Variants in CACNB4 observed in about 807,000 individuals in gnomAD.
The protein encoded by CACNB4 is calcium voltage-gated channel auxiliary subunit beta 4.
CACNB4 carries 32 observed loss-of-function variants against 71.2 expected under a neutral mutation model. That is an observed-to-expected ratio of 0.45 (90% CI 0.34 to 0.60). The LOEUF (loss-of-function observed/expected upper bound fraction) is 0.60, where lower values mean the gene tolerates loss of function less well. Among genes scored for constraint, CACNB4 ranks in the 20% least tolerant of loss-of-function variants. The probability of loss-of-function intolerance (pLI) is 0.01; values close to 1 mark genes in which losing one functional copy is unlikely to be tolerated. For synonymous variants in CACNB4, 231 were observed against 236.9 expected (o/e 0.97, Z 0.23); for missense variants, 464 against 647.9 (o/e 0.72, Z 3.08).
At chr2:151,872,310 A>G (rs1442919323) in intron 6 of CACNB4, 107 bp downstream of exon 6, 1 of 684,748 alleles carries the variant, frequency 1.5e-6, no homozygotes, top group Middle Eastern at 2.4e-4. Context: ...GAATCTTTAA[A>G]TTAAGCCTTC....
At chr2:151,981,391 C>T (rs756976338) in intron 2 of CACNB4, among the ~76,000 whole-genome samples, 1 of 152,136 alleles carries the variant, frequency 6.6e-6, no homozygotes, top group Non-Finnish European at 1.5e-5. Context: ...TAAAGTCAGT[C>T]AGTGAGCCAA....
intron 9 of CACNB4, among the ~76,000 whole-genome samples, chr2:151,863,708 C>T (rs2099842341): frequency 6.6e-6 from 1 of 152,000 alleles, no homozygotes; most frequent in African/African-American, 2.4e-5. Context: ...AAGCTATTTT[C>T]AAACACGACC....
At chr2:151,955,008 G>A (rs535394826) in intron 2 of CACNB4, among the ~76,000 whole-genome samples, 21 of 151,800 alleles carry the variant, frequency 1.4e-4, no homozygotes, top group East Asian at 9.7e-4. Flanking sequence ...CACCCGCCAC[G>A]ATGCCCAGCT....
At chr2:151,904,475 T>C (rs1179895748) in intron 2 of CACNB4, among the ~76,000 whole-genome samples, 1 of 151,932 alleles carries the variant, frequency 6.6e-6, no homozygotes, top group African/African-American at 2.4e-5. Flanking sequence ...AATCCAGATA[T>C]ACACCATAAA....
intron 2 of CACNB4, among the ~76,000 whole-genome samples, chr2:151,892,875 C>T (rs1156363430): frequency 1.3e-5 from 2 of 152,154 alleles, no homozygotes; most frequent in South Asian, 4.1e-4. Context: ...CTTCCTGCCT[C>T]CAGGGGTTGC....
At chr2:152,079,097 T>C (rs114788375) in intron 2 of CACNB4, among the ~76,000 whole-genome samples, 113 of 152,118 alleles carry the variant, frequency 7.4e-4, no homozygotes, top group African/African-American at 2.6e-3. Flanking sequence ...GTTATTTTTG[T>C]TGTTGTTTTG....
chr2:151,870,478 C>T, intron 8 of CACNB4, 53 bp downstream of exon 8: 1 of 1,447,202 alleles, frequency 6.9e-7, no homozygotes, highest in Non-Finnish European at 9.7e-7. Flanking sequence ...GTCAACATGA[C>T]TGTCTCCTGG....
At position 151,869,049 on chromosome 2, in the gene CACNB4, C is replaced by T. The variant is rs1238596602; in HGVS notation, c.758+128G>A. 12 of 621,708 alleles carry T rather than the reference C, an allele frequency of 1.9e-5. 1 individual carries two copies. The highest frequency in any genetic ancestry group is 3.2e-5 in the Non-Finnish European group (11 of 346,986). The allele number at this position is 621,708 out of a possible 1,614,324, so 38.5% of individuals were successfully genotyped here. On this transcript the variant is annotated intron_variant, in intron 9 of 13. Coordinates refer to ENST00000539935, the MANE Select transcript of CACNB4 (RefSeq NM_000726.5). ...CAGAGTTCTTTTATTATATTCTTCC[C>T]AAGAATACTGAGTTAACTTTTAACT...
intron 2 of CACNB4, chr2:151,969,162 C>G (rs2099871894): frequency 6.6e-6 from 1 of 152,208 alleles, no homozygotes; most frequent in Non-Finnish European, 1.5e-5. Flanking sequence ...TGGTTTTCTT[C>G]TGTGGTCAGA....
intron 5 of CACNB4, among the ~76,000 whole-genome samples, chr2:151,875,620 G>C (rs1186871121): frequency 6.9e-6 from 1 of 145,080 alleles, no homozygotes; most frequent in African/African-American, 2.7e-5. Flanking sequence ...GCCAGGCAGG[G>C]GGCTGACCCC....
chr2:152,068,339 C>G (rs555379406), intron 2 of CACNB4, among the ~76,000 whole-genome samples: 4 of 152,108 alleles, frequency 2.6e-5, no homozygotes, highest in Non-Finnish European at 5.9e-5. Flanking sequence ...AATTTTTGTC[C>G]TTTTTAAGAT....
chr2:152,041,236 C>A (rs1684858115), intron 2 of CACNB4, among the ~76,000 whole-genome samples: 2 of 152,060 alleles, frequency 1.3e-5, no homozygotes, highest in South Asian at 4.1e-4. Context: ...TACTTTATTC[C>A]CCTTTGGAAC....
At chr2:151,891,966 G>A (rs1054954458) in intron 2 of CACNB4, among the ~76,000 whole-genome samples, 2 of 152,154 alleles carry the variant, frequency 1.3e-5, no homozygotes, top group African/African-American at 4.8e-5. Context: ...CCCGCTGGCT[G>A]ATCCCGGCAG....
At chr2:151,916,782 A>G (rs2099857638) in intron 2 of CACNB4, among the ~76,000 whole-genome samples, 1 of 152,242 alleles carries the variant, frequency 6.6e-6, no homozygotes. Flanking sequence ...AGGCAATTTT[A>G]TTCCCCCAAG....
intron 2 of CACNB4, among the ~76,000 whole-genome samples, chr2:152,029,345 T>G (rs1440644438): frequency 1.3e-5 from 2 of 151,570 alleles, no homozygotes; most frequent in Non-Finnish European, 2.9e-5. Flanking sequence ...ATACAAAAAA[T>G]TAGCCAGGTG....
rs1460777502 is a variant in CACNB4 at position 151,833,770 on chromosome 2, T to G, written c.*5349A>C. On this transcript the variant is annotated 3_prime_UTR_variant, in exon 14 of 14. Coordinates refer to ENST00000539935, the MANE Select transcript of CACNB4 (RefSeq NM_000726.5). ...TTATAAGTTTGTGCTATAACAAATG[T>G]GCTTCTTTCTCCTCAATCTATTTTT... The G allele has an allele frequency of 6.6e-6, 1 of 152,122 alleles. No individual in the cohort carries two copies. The highest frequency in any genetic ancestry group is 1.5e-5 in the Non-Finnish European group (1 of 67,942). The allele number at this position is 152,122 out of a possible 1,614,324, so 9.4% of individuals were successfully genotyped here. A position where few individuals can be genotyped will look rare whatever the true frequency, so the allele number is the denominator to read the frequency against.
chr2:152,089,420 G>A (rs1687847049), intron 2 of CACNB4, among the ~76,000 whole-genome samples: 1 of 152,076 alleles, frequency 6.6e-6, no homozygotes, highest in African/African-American at 2.4e-5. Flanking sequence ...GGAAATAATT[G>A]TGCAACACAC....
intron 2 of CACNB4, among the ~76,000 whole-genome samples, chr2:151,933,186 G>C (rs576561267): frequency 0.1 from 15,444 of 150,230 alleles, 2,547 homozygotes; most frequent in African/African-American, 0.35. Context: ...CAAAAAAAAA[G>C]CAAAAACCAT....
At chr2:152,092,920 CAACT>C (rs1407221737) in intron 2 of CACNB4, among the ~76,000 whole-genome samples, 2 of 151,862 alleles carry the variant, frequency 1.3e-5, no homozygotes, top group South Asian at 2.1e-4. Context: ...AGATTAATAA[CAACT>C]AATAATAAAA....
Sources: allele counts gnomAD v4.1 joint callset (sites outside exome capture counted in the v4.1 genomes callset), GRCh38; gene constraint gnomAD v4.1.1; transcripts MANE v1.5; gene names NCBI Gene and HGNC (gene_info 2026-07-23, HGNC 2026-07-21).